The following LCORL variants were observed in gnomAD, a reference collection of about 807,000 sequenced individuals.
LCORL encodes the protein ligand-dependent nuclear receptor corepressor-like protein.
Under a neutral mutation model 141.8 loss-of-function variants are expected in LCORL, and 41 were observed. The observed-to-expected ratio is 0.29, with a 90% CI of 0.23 to 0.38. The LOEUF is 0.38. Among genes scored for constraint, LCORL ranks in the 10% least tolerant of loss-of-function variants. The probability of loss-of-function intolerance (pLI) is 1.00; values close to 1 mark genes in which losing one functional copy is unlikely to be tolerated. For synonymous variants in LCORL, 618 were observed against 694.1 expected, an observed-to-expected ratio of 0.89 and a Z score of 1.72; for missense variants, 1,759 against 2,035.0, an observed-to-expected ratio of 0.86 and a Z score of 2.61.
At chr4:17,977,051 T>C (rs938153199) in intron 1 of LCORL, among the ~76,000 whole-genome samples, 1 of 152,186 alleles carries the variant, frequency 6.6e-6, no homozygotes, top group African/African-American at 2.4e-5. Context: ...TTCTAGACTT[T>C]CATGAGAATC....
chr4:17,890,949 G>T (rs1448315663), intron 5 of LCORL, among the ~76,000 whole-genome samples: 1 of 152,030 alleles, frequency 6.6e-6, no homozygotes, highest in African/African-American at 2.4e-5. Flanking sequence ...TCATAATATA[G>T]AATTGTTTTC....
rs532864378 is a variant in LCORL, at chr4:17,847,695, CATT to C, written c.5603-1797_5603-1795del. ...GATAACTGAATTTAGAAAAAATTTA[CATT>C]ATTATTAAAATGTCCTCAGGGACCT... On this transcript the variant is annotated intron_variant, in intron 7 of 7. Coordinates refer to ENST00000635767, the Ensembl canonical transcript of LCORL. Among the ~76,000 whole-genome samples the C allele has an allele frequency of 1.1e-4, 16 of 152,238 alleles. No individual in the cohort carries two copies. The South Asian group carries it at 1.9e-3, about 18-fold the overall frequency.
chr4:17,987,506 C>T (rs938278972), intron 1 of LCORL, among the ~76,000 whole-genome samples: 1 of 152,074 alleles, frequency 6.6e-6, no homozygotes, highest in Non-Finnish European at 1.5e-5. Flanking sequence ...TTGTGAATAA[C>T]ACTACTATGA....
intron 7 of LCORL, 128 bp downstream of exon 7, chr4:17,873,258 GCC>G: frequency 1.9e-6 from 1 of 527,976 alleles, no homozygotes; most frequent in Non-Finnish European, 2.9e-6. Context: ...CATACTAGGT[GCC>G]AAGAAATTAG....
chr4:17,904,380 T>C (rs747360890), intron 5 of LCORL, among the ~76,000 whole-genome samples: 2 of 152,132 alleles, frequency 1.3e-5, no homozygotes, highest in Admixed American at 6.5e-5. Context: ...GACATTTCAC[T>C]TTCTTCAGTG....
rs549928580 is a variant in LCORL at position 18,021,136 on chromosome 4, G to T, written c.154+462C>A. Among the ~76,000 whole-genome samples, 3 of 151,998 alleles carry T rather than the reference G, an allele frequency of 2.0e-5. No homozygotes were observed. Among genetic ancestry groups the T allele is most frequent in the Non-Finnish European group, 4.4e-5 (3 of 67,968 alleles). On this transcript the variant is annotated intron_variant, in intron 1 of 7. Transcript: ENST00000635767. This position sits in a 1 kb window ranked among gnomAD's most constrained non-coding sequence, Gnocchi z 5.5. ...GTCTGCTCACCCGGCCCCCGGCGGCGACAAGGGGGTGTGTGTGCGCTCGGC... is the reference window on the plus strand; with the variant it reads ...GTCTGCTCACCCGGCCCCCGGCGGCTACAAGGGGGTGTGTGTGCGCTCGGC...
chr4:18,005,910 C>G (rs771947122), intron 1 of LCORL, among the ~76,000 whole-genome samples: 1 of 152,192 alleles, frequency 6.6e-6, no homozygotes. Context: ...GACAATTTCC[C>G]CACAGTCTTG....
At chr4:17,993,730 G>A (rs1050229110) in intron 1 of LCORL, among the ~76,000 whole-genome samples, 2 of 152,066 alleles carry the variant, frequency 1.3e-5, no homozygotes, top group African/African-American at 2.4e-5. Context: ...CATTCAGAAA[G>A]GATTGTTCAA....
chr4:17,862,042 CTG>C (rs1725072780), intron 7 of LCORL, among the ~76,000 whole-genome samples: 1 of 152,216 alleles, frequency 6.6e-6, no homozygotes, highest in Non-Finnish European at 1.5e-5. Flanking sequence ...GTGCTCCAAA[CTG>C]TTCCAACCTC....
chr4:17,967,474 C>T (rs571691242), intron 2 of LCORL, among the ~76,000 whole-genome samples: 1 of 152,068 alleles, frequency 6.6e-6, no homozygotes, highest in Non-Finnish European at 1.5e-5. Flanking sequence ...GACCTGAAGG[C>T]AGAGGAAAGA....
At chr4:17,931,214 C>T (rs1272292221) in intron 4 of LCORL, among the ~76,000 whole-genome samples, 2 of 152,090 alleles carry the variant, frequency 1.3e-5, no homozygotes, top group Non-Finnish European at 2.9e-5. Context: ...CCTCCCACCT[C>T]TACCACCACC....
rs575497801 is a variant in LCORL, at chr4:17,880,975, T to C, written c.777-2762A>G. The C allele has an allele frequency of 2.4e-3, 2,326 of 983,442 alleles. 5 individuals carry two copies. Among genetic ancestry groups the C allele is most frequent in the South Asian group, 4.1e-3 (87 of 21,270 alleles). The allele number at this position is 983,442 out of a possible 1,614,324, so 60.9% of individuals were successfully genotyped here. A position where few individuals can be genotyped will look rare whatever the true frequency, so the allele number is the denominator to read the frequency against. ...AGAGTTTTACTAAATTACTGCGACA[T>C]TGGAAATACTGCAATTAAAAAACAA... On this transcript the variant is annotated intron_variant, in intron 6 of 7. Transcript: ENST00000635767.
intron 1 of LCORL, among the ~76,000 whole-genome samples, chr4:18,015,191 G>A (rs1404353479): frequency 2.0e-5 from 3 of 152,160 alleles, no homozygotes; most frequent in Non-Finnish European, 4.4e-5. Context: ...CAAATGAGAG[G>A]AATGTAGAGG....
intron 4 of LCORL, among the ~76,000 whole-genome samples, chr4:17,923,893 T>A (rs1023956233): frequency 3.3e-5 from 5 of 151,984 alleles, no homozygotes; most frequent in African/African-American, 1.2e-4. Context: ...TTGTCACCAA[T>A]TTCCCAATCA....
intron 4 of LCORL, among the ~76,000 whole-genome samples, chr4:17,959,548 T>C (rs768019488): frequency 5.3e-5 from 8 of 152,114 alleles, no homozygotes; most frequent in Admixed American, 2.0e-4. Flanking sequence ...CAACTGATGA[T>C]ATCAATCATC....
rs58421471 is a variant in LCORL at position 17,972,287 on chromosome 4, A to G, written c.220+533T>C. On this transcript the variant is annotated intron_variant, in intron 2 of 7. Coordinates refer to ENST00000635767, the Ensembl canonical transcript of LCORL. The stretch of plus-strand genomic sequence containing the variant: ...AGATATTAGAAAGACATGTCCTAAC[A>G]AAAACAAATAAAAGGAGTCAATATA... Among the ~76,000 whole-genome samples, 399 of 151,980 alleles carry G rather than the reference A, an allele frequency of 2.6e-3. 3 individuals carry two copies. Among genetic ancestry groups the G allele is most frequent in the African/African-American group, 9.0e-3 (372 of 41,564 alleles).
intron 4 of LCORL, among the ~76,000 whole-genome samples, chr4:17,921,149 G>T (rs1047782943): frequency 6.6e-6 from 1 of 151,900 alleles, no homozygotes; most frequent in Non-Finnish European, 1.5e-5. Flanking sequence ...TCAGCTTCCC[G>T]AGTAGCTGGG....
chr4:17,995,512 T>C (rs964403965), intron 1 of LCORL, among the ~76,000 whole-genome samples: 5 of 152,154 alleles, frequency 3.3e-5, no homozygotes, highest in Non-Finnish European at 7.4e-5. Flanking sequence ...TGTATCTAAA[T>C]AGATACTAAA....
rs10716443 is a variant in LCORL, at chr4:17,941,852, ATT to A, written c.430+20049_430+20050del. Among the ~76,000 whole-genome samples, 719 of 145,106 alleles carry A rather than the reference ATT, an allele frequency of 5.0e-3. 6 individuals carry two copies. Among genetic ancestry groups the A allele is most frequent in the African/African-American group, 0.014 (543 of 39,444 alleles). ...ATGCTGAATCATTTCCCATGATAGA[ATT>A]TTTTTTTTTTTTTGCCTCCTCAGCA... On this transcript the variant is annotated intron_variant, in intron 4 of 7. Transcript: ENST00000635767.
Sources: allele counts gnomAD v4.1 joint callset (sites outside exome capture counted in the v4.1 genomes callset), GRCh38; gene constraint gnomAD v4.1.1; non-coding constraint Gnocchi (gnomAD v3.1); transcripts MANE v1.5; gene names NCBI Gene and HGNC (gene_info 2026-07-23, HGNC 2026-07-21).